Variants in TNRC6B observed in about 807,000 individuals in gnomAD.
The protein encoded by TNRC6B is trinucleotide repeat containing adaptor 6B, also known as trinucleotide repeat-containing gene 6B protein.
TNRC6B carries 52 observed loss-of-function variants against 203.6 expected under a neutral mutation model. The ratio of observed to expected loss-of-function variants is 0.26; its 90% CI spans 0.20 to 0.32. The LOEUF (loss-of-function observed/expected upper bound fraction) is 0.32. Ranked by LOEUF, TNRC6B falls within the 10% of genes least tolerant of loss-of-function variation. The pLI is 1.00. For synonymous variants in TNRC6B, 838 were observed against 845.7 expected, an observed-to-expected ratio of 0.99 and a Z score of 0.16; for missense variants, 1,923 against 2,286.2, an observed-to-expected ratio of 0.84 and a Z score of 3.24.
At chr22:40,081,046 G>A (rs1411893382) in intron 1 of TNRC6B, among the ~76,000 whole-genome samples, 1 of 151,642 alleles carries the variant, frequency 6.6e-6, no homozygotes, top group East Asian at 1.9e-4. Context: ...AGTGTGTGGG[G>A]GGGTGCGTTT....
At chr22:40,053,251 T>G (rs2067766611) in intron 1 of TNRC6B, among the ~76,000 whole-genome samples, 1 of 152,136 alleles carries the variant, frequency 6.6e-6, no homozygotes. Context: ...TAAGACTGAC[T>G]TTCTTTGTGG....
intron 1 of TNRC6B, among the ~76,000 whole-genome samples, chr22:40,180,822 A>T (rs946138034): frequency 1.3e-5 from 2 of 152,224 alleles, no homozygotes; most frequent in Non-Finnish European, 2.9e-5. Context: ...TTTACTTTTT[A>T]AAAATGAGAT....
chr22:40,151,089 A>G (rs149995620), intron 3 of TNRC6B, among the ~76,000 whole-genome samples: 22 of 152,352 alleles, frequency 1.4e-4, no homozygotes, highest in Admixed American at 4.6e-4. Context: ...TGGAGGAAAC[A>G]GAGACAATGT....
upstream of TNRC6B, among the ~76,000 whole-genome samples, chr22:40,177,356 C>T (rs555774878): frequency 1.4e-3 from 206 of 152,266 alleles, 1 homozygote; most frequent in African/African-American, 4.1e-3. Context: ...ATTGGGAAAC[C>T]AGTCCCTCTT....
chr22:40,199,654 T>G (rs528552533), intron 1 of TNRC6B, among the ~76,000 whole-genome samples: 139 of 152,198 alleles, frequency 9.1e-4, no homozygotes, highest in African/African-American at 3.3e-3. Flanking sequence ...CCTCGATCTT[T>G]TTACTATAAA....
At position 40,132,637 on chromosome 22, in the gene TNRC6B, T is replaced by TC. The variant is rs1164612328; in HGVS notation, c.45+6777dup. On this transcript the variant is annotated intron_variant, in intron 3 of 23. Transcript: ENST00000301923. ...TCCAGCCTGGGCAACAGAGTGAGAC[T>TC]CCATCTCAAAAAAAAAAAAAAAAAG... Among the ~76,000 whole-genome samples, 253 of 97,002 alleles carry TC rather than the reference T, an allele frequency of 2.6e-3. 3 individuals are homozygous for TC. Among genetic ancestry groups the TC allele is most frequent in the African/African-American group, 0.013 (244 of 19,090 alleles). The allele number at this position is 97,002 out of a possible 152,430, so 63.6% of individuals were successfully genotyped here.
At position 40,162,614 on chromosome 22, in the gene TNRC6B, G is replaced by A. The variant is rs182582077; in HGVS notation, c.113+6432G>A. ...CCATAGGAAAGTTGTTGTTGTTAAC[G>A]TTTTAATTTTGTGTATTACACCATA... On this transcript the variant is annotated intron_variant, in intron 4 of 23. Coordinates refer to the TNRC6B transcript ENST00000301923. Among the ~76,000 whole-genome samples, 7 of 152,258 alleles carry A rather than the reference G, an allele frequency of 4.6e-5. No individual in the cohort carries two copies. In the East Asian group the frequency reaches 1.3e-3, roughly 29 times the overall value.
intron 2 of TNRC6B, among the ~76,000 whole-genome samples, chr22:40,119,311 C>T (rs763086794): frequency 2.0e-5 from 3 of 152,212 alleles, no homozygotes; most frequent in African/African-American, 4.8e-5. Context: ...CGGTCGGACA[C>T]GGTGGCTCAC....
chr22:40,297,498 C>T lies in TNRC6B; in HGVS notation c.3709-2957C>T, dbSNP rs868621076. Among the ~76,000 whole-genome samples, 28 of 152,148 alleles carry T rather than the reference C, an allele frequency of 1.8e-4. 1 individual carries two copies. The Middle Eastern group carries it at 0.017, about 92-fold the overall frequency. ...TATATGCCATGCTCATAAAGATATACGTAAGGTCTTAAGCTCAAATTAAAA... is the reference window on the plus strand; with the variant it reads ...TATATGCCATGCTCATAAAGATATATGTAAGGTCTTAAGCTCAAATTAAAA... On this transcript the variant is annotated intron_variant, in intron 12 of 22. Coordinates refer to ENST00000454349, the MANE Select transcript of TNRC6B (RefSeq NM_001162501.2).
chr22:40,321,333 G>A, intron 22 of TNRC6B, 104 bp downstream of exon 22: 1 of 1,347,660 alleles, frequency 7.4e-7, no homozygotes, highest in Non-Finnish European at 1.0e-6. Flanking sequence ...CATATACGAA[G>A]AATGGCACCG....
At chr22:40,176,483 A>G (rs1424173995), upstream of TNRC6B, among the ~76,000 whole-genome samples, 3 of 152,098 alleles carry the variant, frequency 2.0e-5, no homozygotes, top group African/African-American at 7.2e-5. Context: ...CTTAAAACAT[A>G]GATGAATGCG....
At chr22:40,263,823 G>A (rs2070426327) in intron 4 of TNRC6B, among the ~76,000 whole-genome samples, 1 of 152,128 alleles carries the variant, frequency 6.6e-6, no homozygotes, top group Admixed American at 6.6e-5. Flanking sequence ...TGGCTCAGTG[G>A]GTATTCATCA....
intron 4 of TNRC6B, among the ~76,000 whole-genome samples, chr22:40,160,122 A>G (rs1382269689): frequency 6.6e-6 from 1 of 151,992 alleles, no homozygotes; most frequent in East Asian, 1.9e-4. Flanking sequence ...GGCCTATTTC[A>G]TTCTTTTAAA....
At chr22:40,151,734 A>T (rs2068757551) in intron 3 of TNRC6B, among the ~76,000 whole-genome samples, 2 of 151,812 alleles carry the variant, frequency 1.3e-5, no homozygotes, top group African/African-American at 2.4e-5. Context: ...TTTAGAAAAT[A>T]AAGTTGAGAG....
At chr22:40,123,427 G>A (rs371258120) in intron 2 of TNRC6B, among the ~76,000 whole-genome samples, 1 of 152,212 alleles carries the variant, frequency 6.6e-6, no homozygotes, top group African/African-American at 2.4e-5. Context: ...AAAGCTGAAG[G>A]AGAAGCCAGC....
chr22:40,122,907 C>G (rs564871255), intron 2 of TNRC6B, among the ~76,000 whole-genome samples: 1 of 152,286 alleles, frequency 6.6e-6, no homozygotes, highest in South Asian at 2.1e-4. Context: ...TGAGTAAATT[C>G]CCTCAAGGTC....
intron 1 of TNRC6B, among the ~76,000 whole-genome samples, chr22:40,067,780 A>G (rs2067908562): frequency 1.3e-5 from 2 of 152,136 alleles, no homozygotes; most frequent in African/African-American, 4.8e-5. Context: ...CCCCTAGCCA[A>G]TGGGATAGTG....
chr22:40,103,786 G>T (rs1463850664), intron 1 of TNRC6B, among the ~76,000 whole-genome samples: 2 of 150,818 alleles, frequency 1.3e-5, no homozygotes, highest in African/African-American at 4.9e-5. Flanking sequence ...GGGATTATAG[G>T]CATGTGCCAC....
At chr22:40,049,042 G>A (rs978548194) in intron 1 of TNRC6B, among the ~76,000 whole-genome samples, 1 of 152,016 alleles carries the variant, frequency 6.6e-6, no homozygotes, top group Non-Finnish European at 1.5e-5. Flanking sequence ...TGTATTTTTA[G>A]TACAAAGAGA....
Sources: allele counts gnomAD v4.1 joint callset (sites outside exome capture counted in the v4.1 genomes callset), GRCh38; gene constraint gnomAD v4.1.1; transcripts MANE v1.5; gene names NCBI Gene and HGNC (gene_info 2026-07-23, HGNC 2026-07-21).